MACROD2: variants seen among roughly 807,000 people sequenced by gnomAD.
The protein encoded by MACROD2 is mono-ADP ribosylhydrolase 2.
A neutral mutation model predicts 70.4 loss-of-function variants in MACROD2; 36 were observed. The ratio of observed to expected loss-of-function variants is 0.51; its 90% confidence interval spans 0.39 to 0.68. The LOEUF is 0.68. Ranked by LOEUF, MACROD2 falls within the 30% of genes least tolerant of loss-of-function variation. MACROD2 has a pLI of 0.00. For synonymous variants in MACROD2, 172 were observed against 178.8 expected (o/e 0.96, Z 0.30); for missense variants, 496 against 538.4 (o/e 0.92, Z 0.78).
At chr20:15,562,679 A>T (rs1320661448) in intron 8 of MACROD2, among the ~76,000 whole-genome samples, 2 of 152,252 alleles carry the variant, frequency 1.3e-5, no homozygotes, top group African/African-American at 4.8e-5. Context: ...TACTTAGGGC[A>T]TGCTTTAATG....
At chr20:15,604,770 G>A (rs895534197) in intron 8 of MACROD2, among the ~76,000 whole-genome samples, 12 of 152,186 alleles carry the variant, frequency 7.9e-5, no homozygotes, top group Non-Finnish European at 1.3e-4. Context: ...AGCAAAGTCT[G>A]TGCTACGGGG....
intron 5 of MACROD2, among the ~76,000 whole-genome samples, chr20:15,017,924 C>T (rs991527078): frequency 6.6e-6 from 1 of 152,204 alleles, no homozygotes; most frequent in Non-Finnish European, 1.5e-5. Flanking sequence ...TCCTCCTTGG[C>T]CTCTGGGCCT....
intron 8 of MACROD2, among the ~76,000 whole-genome samples, chr20:15,559,430 G>T (rs553589257): frequency 9.9e-5 from 15 of 152,208 alleles, no homozygotes; most frequent in South Asian, 4.1e-4. Context: ...TGTTATTTTT[G>T]AGTTTAAATA....
chr20:16,045,810 A>G (rs2067371986), intron 17 of MACROD2, among the ~76,000 whole-genome samples: 1 of 152,102 alleles, frequency 6.6e-6, no homozygotes, highest in African/African-American at 2.4e-5. Context: ...CCTAAAAGAT[A>G]TCACTGGACG....
chr20:15,024,857 G>A (rs938710610), intron 5 of MACROD2, among the ~76,000 whole-genome samples: 4 of 152,202 alleles, frequency 2.6e-5, no homozygotes, highest in East Asian at 3.9e-4. Flanking sequence ...TCAAGAGATT[G>A]CTTTTCCCTC....
intron 8 of MACROD2, among the ~76,000 whole-genome samples, chr20:15,749,336 T>C (rs1327604333): frequency 1.3e-5 from 2 of 152,114 alleles, no homozygotes; most frequent in African/African-American, 4.8e-5. Flanking sequence ...GCCATCACAA[T>C]AGCCATTTTC....
At chr20:15,710,404 A>G (rs969793871) in intron 8 of MACROD2, among the ~76,000 whole-genome samples, 1 of 152,188 alleles carries the variant, frequency 6.6e-6, no homozygotes, top group Non-Finnish European at 1.5e-5. Context: ...CCAAAGCCAT[A>G]TATAAAGTAC....
intron 5 of MACROD2, among the ~76,000 whole-genome samples, chr20:15,030,022 G>A (rs940479532): frequency 6.6e-5 from 10 of 151,002 alleles, no homozygotes; most frequent in Non-Finnish European, 1.5e-4. Flanking sequence ...CCCAGGAGGC[G>A]GAGGTTGCAG....
At chr20:14,011,926 A>G (rs2052914235) in intron 2 of MACROD2, among the ~76,000 whole-genome samples, 2 of 151,070 alleles carry the variant, frequency 1.3e-5, no homozygotes, top group Admixed American at 6.6e-5. Context: ...CTTTTTTTTT[A>G]AAGGCAGAGT....
At chr20:14,024,407 C>T (rs2263685) in intron 2 of MACROD2, among the ~76,000 whole-genome samples, 31,787 of 151,368 alleles carry the variant, frequency 0.21, 3,732 homozygotes, top group African/African-American at 0.33. Context: ...ATTGCCCTGG[C>T]CAGAACTTTC....
intron 4 of MACROD2, among the ~76,000 whole-genome samples, chr20:14,520,709 G>A (rs2085158033): frequency 6.6e-6 from 1 of 152,002 alleles, no homozygotes; most frequent in African/African-American, 2.4e-5. Context: ...ACTTCCCCAG[G>A]TAGAGCTGAC....
At chr20:14,193,469 C>T (rs1427380796) in intron 3 of MACROD2, among the ~76,000 whole-genome samples, 1 of 152,156 alleles carries the variant, frequency 6.6e-6, no homozygotes, top group Non-Finnish European at 1.5e-5. Context: ...AAAGAAGAGA[C>T]TTTAATGAAG....
chr20:15,862,693 G>T (rs1172460972), intron 8 of MACROD2, 52 bp from the exon 9 acceptor site: 2 of 1,442,410 alleles, frequency 1.4e-6, no homozygotes, highest in South Asian at 1.2e-5. Context: ...TGTCCTGGCA[G>T]GGCAATTGCC....
At chr20:15,857,291 TAAAA>T (rs749083256) in intron 8 of MACROD2, among the ~76,000 whole-genome samples, 2 of 151,962 alleles carry the variant, frequency 1.3e-5, no homozygotes, top group African/African-American at 2.4e-5. Context: ...GGGCAGATGA[TAAAA>T]GAGGAAGTAG....
chr20:14,145,079 A>T (rs1157167982), intron 3 of MACROD2, among the ~76,000 whole-genome samples: 1 of 152,122 alleles, frequency 6.6e-6, no homozygotes, highest in Non-Finnish European at 1.5e-5. Context: ...CTTCCCTGTA[A>T]CCATGAGTGC....
chr20:14,287,173 A>T (rs1247231543), intron 3 of MACROD2, among the ~76,000 whole-genome samples: 4 of 152,180 alleles, frequency 2.6e-5, no homozygotes, highest in Non-Finnish European at 5.9e-5. Flanking sequence ...CTTAAGAGGC[A>T]AATTCTTAGA....
At chr20:15,679,540 C>G (rs987906513) in intron 8 of MACROD2, among the ~76,000 whole-genome samples, 1 of 152,158 alleles carries the variant, frequency 6.6e-6, no homozygotes. Flanking sequence ...CAGAATGTGG[C>G]AGAAGTGATG....
At chr20:14,537,664 T>A (rs1442834093) in intron 4 of MACROD2, among the ~76,000 whole-genome samples, 1 of 152,188 alleles carries the variant, frequency 6.6e-6, no homozygotes, top group East Asian at 1.9e-4. Flanking sequence ...CGGTTTCTAT[T>A]GAAAAGGAGC....
intron 3 of MACROD2, chr20:14,128,030 G>A (rs1011151085): frequency 1.6e-5 from 9 of 559,768 alleles, no homozygotes; most frequent in Non-Finnish European, 3.2e-5. Flanking sequence ...TGCAAAATCA[G>A]ATGGTGATTT....
Sources: gnomAD v4.1 joint callset for allele counts (sites outside exome capture counted in the v4.1 genomes callset) on GRCh38, gnomAD v4.1.1 for gene constraint, MANE v1.5 for transcripts, NCBI Gene and HGNC (gene_info 2026-07-23, HGNC 2026-07-21) for gene names.